WDR27: variants seen among roughly 807,000 people sequenced by gnomAD.
WDR27 encodes WD repeat domain 27.
A neutral mutation model predicts 114.4 loss-of-function variants in WDR27; 100 were observed. The ratio of observed to expected loss-of-function variants is 0.87; its 90% CI spans 0.74 to 1.03. The LOEUF (loss-of-function observed/expected upper bound fraction) is 1.03, where lower values mean the gene tolerates loss of function less well. Among genes scored for constraint, WDR27 ranks in the 50% least tolerant of loss-of-function variants. The probability of loss-of-function intolerance (pLI) is 0.00; values close to 1 mark genes in which losing one functional copy is unlikely to be tolerated. For missense variants in WDR27, 1,129 were observed against 1,092.9 expected, an observed-to-expected ratio of 1.03 and a Z score of -0.47; for synonymous variants, 449 against 423.1, an observed-to-expected ratio of 1.06 and a Z score of -0.75.
chr6:169,652,150 T>A, intron 13 of WDR27, 142 bp from the exon 14 acceptor site: 1 of 711,786 alleles, frequency 1.4e-6, no homozygotes, highest in Non-Finnish European at 2.3e-6. Context: ...AGAGGTTTCA[T>A]ATCTGAAGTC....
chr6:169,486,514 CAG>C (rs1370683966), intron 25 of WDR27, among the ~76,000 whole-genome samples: 3 of 152,034 alleles, frequency 2.0e-5, no homozygotes, highest in East Asian at 3.9e-4. Context: ...TTTTTTGAGA[CAG>C]AGTCTCACTC....
At position 169,701,797 on chromosome 6, in the gene WDR27, A is replaced by G. The variant is rs545406884; in HGVS notation, c.-254T>C. On this transcript the variant is annotated 5_prime_UTR_variant, in exon 1 of 26. Transcript: ENST00000448612. Reference sequence around the variant, plus strand: ...AATCGCCCCCTTTCCTAGAGACCTCAGCGGAGCCGCGAGCAACCGCGCAGC... The same window carrying G: ...AATCGCCCCCTTTCCTAGAGACCTCGGCGGAGCCGCGAGCAACCGCGCAGC... The G allele has an allele frequency of 1.5e-4, 45 of 294,056 alleles. 1 individual carries two copies. The East Asian group carries it at 5.6e-3, about 37-fold the overall frequency. 18.2% of individuals were successfully genotyped at this position (294,056 alleles called of 1,614,324 possible).
chr6:169,668,562 G>A lies in WDR27; in HGVS notation c.457-377C>T, dbSNP rs539706243. The A allele has an allele frequency of 2.9e-4, 53 of 184,390 alleles. 1 individual carries two copies. Among genetic ancestry groups the A allele is most frequent in the South Asian group, 2.7e-3 (24 of 8,760 alleles). 11.4% of individuals were successfully genotyped at this position (184,390 alleles called of 1,614,324 possible). On this transcript the variant is annotated intron_variant, in intron 4 of 25. Transcript: ENST00000448612. ...TCCTCCTCAAGTCCCTAAAACCTCC[G>A]ACAGCCAAGACAGCACCCCAGAAGT...
the WDR27 span, among the ~76,000 whole-genome samples, chr6:169,442,711 C>T: frequency 6.6e-6 from 1 of 152,112 alleles, no homozygotes. Flanking sequence ...CGAGTGGGAC[C>T]ACAGCTTGGA....
At chr6:169,457,973 C>CGGAGGAGGAGCAGGA (rs1554262693) in intron 25 of WDR27, among the ~76,000 whole-genome samples, 1 of 111,740 alleles carries the variant, frequency 8.9e-6, no homozygotes, top group South Asian at 3.2e-4. Flanking sequence ...GCACTCCTGA[C>CGGAGGAGGAGCAGGA]GGAGGAGGAG....
downstream of WDR27, among the ~76,000 whole-genome samples, chr6:169,456,510 A>G (rs117489276): frequency 4.6e-5 from 7 of 152,136 alleles, no homozygotes; most frequent in Non-Finnish European, 2.9e-5. The surrounding 1 kb of genome is among the most constrained non-coding windows in gnomAD (Gnocchi z 4.0). Context: ...GTTATCTGGA[A>G]TCTTGAATTG....
chr6:169,531,559 A>G (rs1031073038), intron 25 of WDR27, among the ~76,000 whole-genome samples: 4 of 152,184 alleles, frequency 2.6e-5, no homozygotes, highest in African/African-American at 9.7e-5. Context: ...GCTGAGTGTT[A>G]CCTGCTCTAC....
In WDR27 at chr6:169,656,527, T is replaced by A. The variant is rs930493278; in HGVS notation, c.1402+1749A>T. ...CCAGGCGGGGTGGGGGGAAAGCATG[T>A]GAGGCGGCTTGTGGGGTCCAGGAAG... is the stretch of plus-strand genomic sequence containing the variant. On this transcript the variant is annotated intron_variant, in intron 13 of 25. Coordinates refer to ENST00000448612, the MANE Select transcript of WDR27 (RefSeq NM_182552.5). Among the ~76,000 whole-genome samples the A allele has an allele frequency of 6.6e-5, 10 of 151,312 alleles. No individual in the cohort carries two copies. The South Asian group carries it at 1.3e-3, about 19-fold the overall frequency.
At position 169,658,329 on chromosome 6, in the gene WDR27, T is replaced by G; in HGVS notation, c.1349A>C (p.Tyr450Ser). 1.2e-6 allele frequency: 2 copies of G among 1,601,850 alleles called. No individual in the cohort carries two copies. The highest frequency in any genetic ancestry group is 1.7e-6 in the Non-Finnish European group (2 of 1,174,618). The stretch of plus-strand genomic sequence containing the variant: ...ACTCTTCTCCTTGGCAATTCCCAGA[T>G]ACAGTGGAGAGGTCGGTAGGACACA... ...SSCVLPTSPL[Y>S]LGIAKEKSTK... Residue 450 changes from tyrosine to serine, a missense_variant, in exon 13 of 26, where the codon TAT (tyrosine) becomes TCT (serine). Transcript: ENST00000448612.
At chr6:169,587,769 G>T (rs887631761) in intron 23 of WDR27, among the ~76,000 whole-genome samples, 1 of 152,198 alleles carries the variant, frequency 6.6e-6, no homozygotes, top group African/African-American at 2.4e-5. Context: ...GATTAAAAAG[G>T]ATTTAACAAA....
At chr6:169,650,648 C>T (rs1822160639) in intron 14 of WDR27, among the ~76,000 whole-genome samples, 1 of 149,992 alleles carries the variant, frequency 6.7e-6, no homozygotes, top group Non-Finnish European at 1.5e-5. Context: ...ATCCCTCCAT[C>T]CCCACCATCC....
intron 23 of WDR27, among the ~76,000 whole-genome samples, chr6:169,589,324 G>A (rs911301266): frequency 1.4e-4 from 22 of 152,086 alleles, no homozygotes; most frequent in African/African-American, 4.3e-4. Flanking sequence ...AAATTTTCTC[G>A]TGTAACCCTC....
chr6:169,695,652 G>T (rs1303430532), intron 1 of WDR27, among the ~76,000 whole-genome samples: 1 of 152,090 alleles, frequency 6.6e-6, no homozygotes, highest in African/African-American at 2.4e-5. Flanking sequence ...ATACCCCGGG[G>T]CACGGTGGTG....
chr6:169,457,447 C>T lies in WDR27; in HGVS notation c.*145G>A. On this transcript the variant is annotated 3_prime_UTR_variant, in exon 26 of 26. Transcript: ENST00000448612. ...GGCACACACAGAGGGGAGGAGCTTG[C>T]AAACGGGGGAAATCTGAGGCAAGTC... The T allele has an allele frequency of 3.2e-6, 2 of 632,760 alleles. No homozygotes were observed. Among genetic ancestry groups the T allele is most frequent in the South Asian group, 2.4e-5 (1 of 41,416 alleles). 39.2% of individuals were successfully genotyped at this position (632,760 alleles called of 1,614,324 possible).
chr6:169,569,770 C>A (rs897977823), intron 25 of WDR27, among the ~76,000 whole-genome samples: 2 of 152,184 alleles, frequency 1.3e-5, no homozygotes, highest in Non-Finnish European at 2.9e-5. Flanking sequence ...TCATGCAAGT[C>A]TATTAATGCT....
intron 13 of WDR27, 44 bp downstream of exon 13, chr6:169,658,232 G>C: frequency 1.4e-6 from 2 of 1,462,212 alleles, no homozygotes; most frequent in South Asian, 1.2e-5. Context: ...CAATGAGAAC[G>C]CATCAGCCTT....
At chr6:169,497,293 G>C (rs1351941910) in intron 25 of WDR27, among the ~76,000 whole-genome samples, 1 of 152,010 alleles carries the variant, frequency 6.6e-6, no homozygotes, top group African/African-American at 2.4e-5. Context: ...GGCCTGAATG[G>C]AAGACTGAAA....
At chr6:169,559,992 G>A (rs922744221) in intron 25 of WDR27, 24 of 152,188 alleles carry the variant, frequency 1.6e-4, no homozygotes, top group African/African-American at 5.8e-4. Context: ...AAGCACTTAA[G>A]GATGGTGACT....
chr6:169,632,998 C>T lies in WDR27; in HGVS notation c.2172G>A (p.Ala724=), dbSNP rs200194403. Reference sequence around the variant, plus strand: ...GCCGTGAGTGGGCTTCCGCTATCACCGCTGCACTGCAGCCGGCGTTGAGGT... The same window carrying T: ...GCCGTGAGTGGGCTTCCGCTATCACTGCTGCACTGCAGCCGGCGTTGAGGT... ...VFDLNAGCSA[A]VIAEAHSRPV... Residue 724 remains alanine (A), a synonymous_variant, in exon 21 of 26, where the codon GCG becomes GCA. Coordinates refer to ENST00000448612, the MANE Select transcript of WDR27 (RefSeq NM_182552.5). The T allele has an allele frequency of 5.1e-5, 81 of 1,598,878 alleles. No individual in the cohort carries two copies. In the East Asian group the frequency reaches 5.2e-4, roughly 10 times the overall value.
Sources: gnomAD v4.1 joint callset for allele counts (sites outside exome capture counted in the v4.1 genomes callset) on GRCh38, gnomAD v4.1.1 for gene constraint, Gnocchi (gnomAD v3.1) non-coding constraint, MANE v1.5 for transcripts, NCBI Gene and HGNC (gene_info 2026-07-23, HGNC 2026-07-21) for gene names.